The following SLF2 variants were observed in gnomAD, a reference collection of about 807,000 sequenced individuals.
SLF2 encodes the protein SMC5/6 complex localization factor 2, also known as SMC5-SMC6 complex localization factor protein 2.
Under a neutral mutation model 124.3 loss-of-function variants are expected in SLF2, and 68 were observed. The ratio of observed to expected loss-of-function variants is 0.55; its 90% CI spans 0.45 to 0.67. The LOEUF is 0.67. Among genes scored for constraint, SLF2 ranks in the 30% least tolerant of loss-of-function variants. The pLI is 0.00. For synonymous variants in SLF2, 480 were observed against 478.8 expected (o/e 1.00, Z -0.03); for missense variants, 1,246 against 1,373.7 (o/e 0.91, Z 1.47).
intron 12 of SLF2, among the ~76,000 whole-genome samples, 181 bp downstream of exon 12, chr10:100,944,309 C>A (rs534253094): frequency 6.6e-6 from 1 of 151,784 alleles, no homozygotes; most frequent in South Asian, 2.1e-4. Context: ...TCCTGGCTAA[C>A]ACGGTGAAAA....
chr10:100,928,139 A>G (rs1232600368), intron 6 of SLF2, among the ~76,000 whole-genome samples: 1 of 148,242 alleles, frequency 6.7e-6, no homozygotes, highest in African/African-American at 2.5e-5. Flanking sequence ...AATGAAATTT[A>G]TGTGACTAAT....
chr10:100,949,912 T>A (rs909123811), intron 15 of SLF2, among the ~76,000 whole-genome samples, 164 bp from the exon 16 acceptor site: 12 of 152,310 alleles, frequency 7.9e-5, no homozygotes, highest in African/African-American at 2.9e-4. Flanking sequence ...AATCCCTTTT[T>A]AAGCAATTCA....
intron 17 of SLF2, among the ~76,000 whole-genome samples, chr10:100,953,132 C>G (rs1213343028): frequency 6.6e-6 from 1 of 151,124 alleles, no homozygotes; most frequent in Admixed American, 6.6e-5. Context: ...TCTCCTGCCT[C>G]AGCCTCCCAA....
In SLF2 at chr10:100,963,090, T is replaced by A. The variant is rs1850453357; in HGVS notation, c.*1178T>A. 6.6e-6 allele frequency: 1 copy of A among 152,592 alleles called. No homozygotes were observed. Among genetic ancestry groups the A allele is most frequent in the South Asian group, 2.1e-4 (1 of 4,824 alleles). 9.5% of individuals were successfully genotyped at this position (152,592 alleles called of 1,614,324 possible). On this transcript the variant is annotated 3_prime_UTR_variant, in exon 20 of 20. Coordinates refer to ENST00000238961, the MANE Select transcript of SLF2 (RefSeq NM_018121.4). ...TTTGTTTCCTGAAAGAATGCCAACT[T>A]TTTTTGTTGTTCTTTCAGTATTGGC...
chr10:100,944,751 G>A (rs532999029), intron 12 of SLF2, among the ~76,000 whole-genome samples: 63 of 152,242 alleles, frequency 4.1e-4, no homozygotes, highest in African/African-American at 1.4e-3. Flanking sequence ...GAGGCCGGGC[G>A]CGGTGGCTCA....
At chr10:100,946,110 CT>C (rs2133813433) in intron 13 of SLF2, among the ~76,000 whole-genome samples, 1 of 152,138 alleles carries the variant, frequency 6.6e-6, no homozygotes, top group South Asian at 2.1e-4. Context: ...ATTTTTCAGT[CT>C]TTTTTGGTGG....
At chr10:100,946,695 A>G (rs913084961) in intron 13 of SLF2, among the ~76,000 whole-genome samples, 6 of 152,120 alleles carry the variant, frequency 3.9e-5, no homozygotes, top group African/African-American at 1.4e-4. Flanking sequence ...TCAGGAACAT[A>G]TATGGTCTTG....
intron 12 of SLF2, 89 bp from the exon 13 acceptor site, chr10:100,945,241 A>T: frequency 9.1e-7 from 1 of 1,100,804 alleles, no homozygotes. Context: ...TCTTTTTTGC[A>T]TCTTTTGTCA....
intron 3 of SLF2, among the ~76,000 whole-genome samples, chr10:100,917,816 A>T (rs893789316): frequency 6.6e-6 from 1 of 152,110 alleles, no homozygotes; most frequent in African/African-American, 2.4e-5. Flanking sequence ...GCCTCAAGCG[A>T]TCCTCCTGCT....
At chr10:100,915,910 T>A (rs922415360) in intron 1 of SLF2, 89 bp from the exon 2 acceptor site, 8 of 1,066,300 alleles carry the variant, frequency 7.5e-6, no homozygotes, top group Admixed American at 5.6e-5. Flanking sequence ...AAATCCAGCC[T>A]TTATTTTATA....
chr10:100,948,825 G>A (rs528697450), intron 15 of SLF2, among the ~76,000 whole-genome samples: 3 of 152,304 alleles, frequency 2.0e-5, no homozygotes, highest in African/African-American at 7.2e-5. Flanking sequence ...GGTGGAGCTT[G>A]CAGTGAGCCG....
intron 4 of SLF2, among the ~76,000 whole-genome samples, chr10:100,921,888 G>T (rs2133761713): frequency 6.6e-6 from 1 of 152,278 alleles, no homozygotes; most frequent in South Asian, 2.1e-4. Flanking sequence ...CTTTTTGTAA[G>T]ACATTTAACC....
At position 100,917,008 on chromosome 10, in the gene SLF2, T is replaced by C; in HGVS notation, c.623T>C (p.Ile208Thr). The change falls in exon 3 of 20, where the codon ATC becomes ACC. Residue 208 changes from isoleucine (I) to threonine (T), a missense_variant. Transcript: ENST00000238961. ...CAGACCACAGTGGCAGAAGCTGACA[T>C]CTTCAATAACAGCTCCAGAAGCCTT... is the stretch of plus-strand genomic sequence containing the variant. Reference protein sequence around the residue: ...KKQTTVAEADIFNNSSRSLSS... With the variant: ...KKQTTVAEADTFNNSSRSLSS... 2 of 1,614,118 alleles carry C rather than the reference T, an allele frequency of 1.2e-6. No individual in the cohort carries two copies. Among genetic ancestry groups the C allele is most frequent in the South Asian group, 1.1e-5 (1 of 91,080 alleles).
chr10:100,941,640 C>A (rs780376442), intron 11 of SLF2, among the ~76,000 whole-genome samples: 8 of 152,170 alleles, frequency 5.3e-5, no homozygotes, highest in African/African-American at 1.9e-4. Context: ...TTTACCCTGA[C>A]CTGTTTTCTG....
intron 10 of SLF2, among the ~76,000 whole-genome samples, chr10:100,938,218 T>C (rs146483529): frequency 1.1e-3 from 174 of 152,298 alleles, no homozygotes; most frequent in African/African-American, 3.7e-3. Flanking sequence ...AAAACAAGCA[T>C]AGTGGTTTAC....
intron 1 of SLF2, among the ~76,000 whole-genome samples, chr10:100,915,079 TC>T (rs1379823089): frequency 6.6e-6 from 1 of 152,350 alleles, no homozygotes; most frequent in East Asian, 1.9e-4. Flanking sequence ...GGTAATGGAT[TC>T]CTATTTCACT....
At chr10:100,913,532 A>C (rs1227723697) in intron 1 of SLF2, 7 of 1,251,258 alleles carry the variant, frequency 5.6e-6, no homozygotes, top group Non-Finnish European at 7.0e-6. Flanking sequence ...TTCCTTTGCA[A>C]GAGTTTGACC....
At chr10:100,941,336 T>C (rs113069097) in intron 11 of SLF2, among the ~76,000 whole-genome samples, 1 of 152,234 alleles carries the variant, frequency 6.6e-6, no homozygotes, top group Non-Finnish European at 1.5e-5. Context: ...TTGACCATTA[T>C]TCTGCTAGAT....
At position 100,913,169 on chromosome 10, in the gene SLF2, C is replaced by G. The variant is rs754926842; in HGVS notation, c.59C>G (p.Ser20Trp). The G allele has an allele frequency of 6.2e-7, 1 of 1,612,400 alleles. No individual in the cohort carries two copies. Among genetic ancestry groups the G allele is most frequent in the South Asian group, 1.1e-5 (1 of 90,912 alleles). The change falls in exon 1 of 20, where the codon TCG becomes TGG. Residue 20 changes from serine (S) to tryptophan (W), a missense_variant. By Grantham distance (177) the Ser-to-Trp change is radical (BLOSUM62 -3). Coordinates refer to ENST00000238961, the MANE Select transcript of SLF2 (RefSeq NM_018121.4). ...PGFPSSPAPG[S>W]SPPRCHLRPG... ...TTCCCCTCATCCCCAGCCCCGGGGT[C>G]GTCGCCCCCGCGCTGCCATCTGAGA...
Sources: allele counts gnomAD v4.1 joint callset (sites outside exome capture counted in the v4.1 genomes callset), GRCh38; gene constraint gnomAD v4.1.1; transcripts MANE v1.5; gene names NCBI Gene and HGNC (gene_info 2026-07-23, HGNC 2026-07-21).